The following CEP83 variants were observed in gnomAD, a reference collection of about 807,000 sequenced individuals.
The protein encoded by CEP83 is centrosomal protein 83, also known as centrosomal protein of 83 kDa.
CEP83 carries 70 observed loss-of-function variants against 101.9 expected under a neutral mutation model. The ratio of observed to expected loss-of-function variants is 0.69; its 90% CI spans 0.57 to 0.84. CEP83 has a LOEUF of 0.84. Among genes scored for constraint, CEP83 ranks in the 40% least tolerant of loss-of-function variants. The pLI is 0.00. For synonymous variants in CEP83, 264 were observed against 267.9 expected (o/e 0.99, Z 0.14); for missense variants, 715 against 787.2 (o/e 0.91, Z 1.10).
chr12:94,457,053 G>A (rs773610130), intron 1 of CEP83, among the ~76,000 whole-genome samples: 1 of 152,126 alleles, frequency 6.6e-6, no homozygotes, highest in Non-Finnish European at 1.5e-5. Flanking sequence ...GTACAATTTA[G>A]ATTTTAAGAA....
Position 94,412,257 on chromosome 12 carries a change from G to A in CEP83, c.173+61C>T, listed in dbSNP as rs2137793574. The A allele has an allele frequency of 2.2e-6, 3 of 1,340,698 alleles. No homozygotes were observed. In the South Asian group the frequency reaches 4.4e-5, roughly 19 times the overall value. 83.1% of individuals were successfully genotyped at this position (1,340,698 alleles called of 1,614,324 possible). A position where few individuals can be genotyped will look rare whatever the true frequency, so the allele number is the denominator to read the frequency against. On this transcript the variant is annotated intron_variant, in intron 3 of 16. Coordinates refer to ENST00000397809, the MANE Select transcript of CEP83 (RefSeq NM_016122.3). ...TACTATATTCTATAGCAAACATTCA[G>A]CCAAGATAATGCCAATAACTTTTTA...
At chr12:94,401,655 T>C (rs935139811) in intron 5 of CEP83, among the ~76,000 whole-genome samples, 1 of 152,186 alleles carries the variant, frequency 6.6e-6, no homozygotes, top group Non-Finnish European at 1.5e-5. Context: ...AAAGCATGTC[T>C]CCTAAAATAC....
At chr12:94,376,729 A>ACACACG in intron 7 of CEP83, among the ~76,000 whole-genome samples, 1 of 116,012 alleles carries the variant, frequency 8.6e-6, no homozygotes, top group Admixed American at 9.1e-5. Flanking sequence ...ACACACACAC[A>ACACACG]CACATATATA....
intron 14 of CEP83, among the ~76,000 whole-genome samples, chr12:94,326,008 T>C (rs996967867): frequency 7.9e-5 from 12 of 151,952 alleles, no homozygotes; most frequent in East Asian, 3.9e-4. Context: ...TAACTTAGAG[T>C]TGAGGTCCCT....
chr12:94,448,030 T>C (rs1196720059), intron 1 of CEP83, among the ~76,000 whole-genome samples: 2 of 152,100 alleles, frequency 1.3e-5, no homozygotes, highest in Non-Finnish European at 2.9e-5. Flanking sequence ...TATATTACAA[T>C]GGATTACAAA....
At chr12:94,276,399 G>A in the CEP83 span, among the ~76,000 whole-genome samples, 12 of 151,294 alleles carry the variant, frequency 7.9e-5, no homozygotes, top group Non-Finnish European at 1.5e-4. Flanking sequence ...ATTTAGCTTA[G>A]GACATTGCTT....
intron 14 of CEP83, among the ~76,000 whole-genome samples, chr12:94,317,212 T>C (rs1970850018): frequency 6.6e-6 from 1 of 152,188 alleles, no homozygotes; most frequent in Admixed American, 6.5e-5. Context: ...TGGTCACATG[T>C]ATGTCTTTTG....
At chr12:94,390,071 G>A (rs903950810) in intron 6 of CEP83, among the ~76,000 whole-genome samples, 2 of 152,212 alleles carry the variant, frequency 1.3e-5, no homozygotes, top group South Asian at 2.1e-4. Flanking sequence ...GACAACTTCC[G>A]CAAACTTAAA....
chr12:94,284,246 CTAATT>C, the CEP83 span, among the ~76,000 whole-genome samples: 2 of 152,164 alleles, frequency 1.3e-5, no homozygotes, highest in African/African-American at 4.8e-5. Flanking sequence ...AATCTTGTGG[CTAATT>C]TGTTAGTCCT....
At chr12:94,349,295 A>G (rs1485208118) in intron 11 of CEP83, among the ~76,000 whole-genome samples, 4 of 151,766 alleles carry the variant, frequency 2.6e-5, no homozygotes, top group East Asian at 3.8e-4. Flanking sequence ...CAAAAAAAAA[A>G]AAAAAAAGAA....
intron 11 of CEP83, among the ~76,000 whole-genome samples, chr12:94,355,283 G>A (rs2060403747): frequency 6.6e-6 from 1 of 152,078 alleles, no homozygotes; most frequent in Non-Finnish European, 1.5e-5. Context: ...CACGAGGTCA[G>A]GAGATCGAGA....
chr12:94,313,047 AATAC>A lies in CEP83; in HGVS notation c.1708-34_1708-31del, dbSNP rs770732376. ...AAAGAGAAATATGAACAAGTATGTT[AATAC>A]ATAATCTCTTATTTGAACAAAACTA... On this transcript the variant is annotated intron_variant, in intron 14 of 16. Coordinates refer to ENST00000397809, the MANE Select transcript of CEP83 (RefSeq NM_016122.3). The A allele has an allele frequency of 9.3e-6, 9 of 972,096 alleles. No homozygotes were observed. The South Asian group carries it at 1.2e-4, about 12-fold the overall frequency. 60.2% of individuals were successfully genotyped at this position (972,096 alleles called of 1,614,324 possible). A position where few individuals can be genotyped will look rare whatever the true frequency, so the allele number is the denominator to read the frequency against.
chr12:94,431,062 T>A (rs1166721887), intron 2 of CEP83, among the ~76,000 whole-genome samples: 2 of 152,128 alleles, frequency 1.3e-5, no homozygotes, highest in Admixed American at 6.6e-5. Context: ...AGCAAGAGGA[T>A]AACAATTCTA....
At chr12:94,347,568 G>A (rs2059998884) in intron 11 of CEP83, among the ~76,000 whole-genome samples, 1 of 152,020 alleles carries the variant, frequency 6.6e-6, no homozygotes, top group Non-Finnish European at 1.5e-5. Context: ...TATTTAACAA[G>A]GAGAAATAAA....
chr12:94,392,287 G>A (rs1390254790), intron 6 of CEP83, among the ~76,000 whole-genome samples: 1 of 152,066 alleles, frequency 6.6e-6, no homozygotes, highest in Non-Finnish European at 1.5e-5. Context: ...ACAACAAATT[G>A]TCTCTCAGAC....
At chr12:94,301,172 G>C in the CEP83 span, 3 of 687,520 alleles carry the variant, frequency 4.4e-6, no homozygotes, top group Non-Finnish European at 6.8e-6. Flanking sequence ...GCTAAAAAGA[G>C]ATAGCAAGGG....
At chr12:94,345,604 C>A (rs1260087195) in intron 11 of CEP83, among the ~76,000 whole-genome samples, 1 of 152,092 alleles carries the variant, frequency 6.6e-6, no homozygotes, top group Non-Finnish European at 1.5e-5. Context: ...CTCCAATCTT[C>A]CCCCATCTTT....
At chr12:94,432,655 A>G (rs1020606700) in intron 2 of CEP83, among the ~76,000 whole-genome samples, 2 of 152,148 alleles carry the variant, frequency 1.3e-5, no homozygotes. Context: ...AGTTAGATAG[A>G]CAATACAAGT....
At chr12:94,424,814 T>A in intron 2 of CEP83, 1 of 1,604,316 alleles carries the variant, frequency 6.2e-7, no homozygotes, top group East Asian at 2.2e-5. Flanking sequence ...TTTGCTCAGC[T>A]GGTCATTTCC....
Sources: allele counts gnomAD v4.1 joint callset (sites outside exome capture counted in the v4.1 genomes callset), GRCh38; gene constraint gnomAD v4.1.1; transcripts MANE v1.5; gene names NCBI Gene and HGNC (gene_info 2026-07-23, HGNC 2026-07-21).